CDK5RAP2: variants seen among roughly 807,000 people sequenced by gnomAD.
CDK5RAP2 encodes CDK5 regulatory subunit associated protein 2.
A neutral mutation model predicts 232.9 loss-of-function variants in CDK5RAP2; 147 were observed. The observed-to-expected ratio is 0.63, with a 90% confidence interval of 0.55 to 0.72. The LOEUF (loss-of-function observed/expected upper bound fraction) is 0.72. Among genes scored for constraint, CDK5RAP2 ranks in the 30% least tolerant of loss-of-function variants. CDK5RAP2 has a pLI of 0.00. For missense variants in CDK5RAP2, 2,195 were observed against 2,231.5 expected (o/e 0.98, Z 0.33); for synonymous variants, 833 against 833.7 (o/e 1.00, Z 0.01).
chr9:120,517,769 CA>C (rs1484665899), intron 12 of CDK5RAP2: 1 of 240,522 alleles, frequency 4.2e-6, no homozygotes, highest in East Asian at 9.9e-5. Context: ...CTATCAGGAA[CA>C]ATCAGTGAGG....
chr9:120,513,314 A>C (rs1457229043), intron 12 of CDK5RAP2, among the ~76,000 whole-genome samples: 2 of 152,126 alleles, frequency 1.3e-5, no homozygotes, highest in African/African-American at 2.4e-5. Context: ...CTAAACTGCA[A>C]ATCTGATCCT....
intron 12 of CDK5RAP2, among the ~76,000 whole-genome samples, chr9:120,508,694 C>G (rs1009749750): frequency 1.1e-4 from 16 of 152,196 alleles, no homozygotes; most frequent in African/African-American, 3.9e-4. Flanking sequence ...TTCCCCCAGG[C>G]AAACAGCTAC....
At chr9:120,489,910 C>T (rs1335975625) in intron 13 of CDK5RAP2, among the ~76,000 whole-genome samples, 3 of 151,752 alleles carry the variant, frequency 2.0e-5, no homozygotes, top group Non-Finnish European at 2.9e-5. Context: ...CGGGTTCAAG[C>T]GATTCTCCTG....
chr9:120,407,112 T>C lies in CDK5RAP2; in HGVS notation c.4863A>G (p.Glu1621=). The C allele has an allele frequency of 6.2e-7, 1 of 1,613,718 alleles. No homozygotes were observed. The highest frequency in any genetic ancestry group is 2.2e-5 in the East Asian group (1 of 44,880). ...TSSTLQSRLK[E]QLARGAEKAQ... is the part of the protein sequence containing the mutation. ...CCTTCTCTGCCCCCCTTGCCAGCTG[T>C]TCCTTGAGCCTGCTCTGCAGAGTGC... Residue 1621 remains glutamate (E), a synonymous_variant, in exon 32 of 38, where the codon GAA becomes GAG. Coordinates refer to ENST00000349780, the MANE Select transcript of CDK5RAP2 (RefSeq NM_018249.6).
chr9:120,532,922 A>G (rs2041219121), intron 7 of CDK5RAP2, among the ~76,000 whole-genome samples: 1 of 152,084 alleles, frequency 6.6e-6, no homozygotes, highest in Admixed American at 6.5e-5. Context: ...CCCCCTTCCA[A>G]AAAAAGATGA....
At chr9:120,453,394 T>A in intron 21 of CDK5RAP2, 62 bp downstream of exon 21, 2 of 1,465,018 alleles carry the variant, frequency 1.4e-6, no homozygotes, top group Non-Finnish European at 1.9e-6. Context: ...AGATTAAAGG[T>A]GATTTTTAAA....
At chr9:120,557,701 G>A (rs2042283308) in intron 3 of CDK5RAP2, among the ~76,000 whole-genome samples, 1 of 151,016 alleles carries the variant, frequency 6.6e-6, no homozygotes, top group Admixed American at 6.6e-5. Context: ...CGAAGCTACA[G>A]TAAGCCATGA....
rs576912428 is a variant in CDK5RAP2 at position 120,520,763 on chromosome 9, A to C, written c.1093-2118T>G. Among the ~76,000 whole-genome samples the C allele has an allele frequency of 4.0e-3, 482 of 120,058 alleles. 4 individuals are homozygous for C. The highest frequency in any genetic ancestry group is 0.014 in the African/African-American group (441 of 30,556). The allele number at this position is 120,058 out of a possible 152,430, so 78.8% of individuals were successfully genotyped here. A position where few individuals can be genotyped will look rare whatever the true frequency, so the allele number is the denominator to read the frequency against. On this transcript the variant is annotated intron_variant, in intron 11 of 37. Transcript: ENST00000349780. The stretch of plus-strand genomic sequence containing the variant: ...CATGTGATATCTCATATCTCATGAG[A>C]TATATCTCAGATATCTCATGAGATA...
At chr9:120,500,542 T>A (rs2039525961) in intron 12 of CDK5RAP2, among the ~76,000 whole-genome samples, 1 of 152,270 alleles carries the variant, frequency 6.6e-6, no homozygotes, top group African/African-American at 2.4e-5. Flanking sequence ...ATTTGCATTC[T>A]TTGATTGCCA....
chr9:120,402,252 C>T lies in CDK5RAP2; in HGVS notation c.5307+554G>A, dbSNP rs995795672. On this transcript the variant is annotated intron_variant, in intron 34 of 37. Transcript: ENST00000349780. ...GGTCGAAGCTACAGTGAGCCATGAT[C>T]GCGCCACTGCACTCCAGCCTGGGTG... Among the ~76,000 whole-genome samples the T allele has an allele frequency of 1.1e-4, 17 of 152,066 alleles. No individual in the cohort carries two copies. The East Asian group carries it at 2.7e-3, about 24-fold the overall frequency.
At chr9:120,518,202 T>A (rs1271042150) in intron 12 of CDK5RAP2, among the ~76,000 whole-genome samples, 13 of 108,226 alleles carry the variant, frequency 1.2e-4, no homozygotes, top group African/African-American at 5.1e-4. Context: ...TGTGTGTGTG[T>A]GTGTGTGTGA....
At chr9:120,394,437 TA>T in intron 36 of CDK5RAP2, 74 bp downstream of exon 36, 1 of 1,609,892 alleles carries the variant, frequency 6.2e-7, no homozygotes, top group Non-Finnish European at 8.5e-7. Flanking sequence ...CCAAAGTGGG[TA>T]ATCCAGGGCA....
intron 21 of CDK5RAP2, among the ~76,000 whole-genome samples, chr9:120,449,883 G>A (rs76233832): frequency 6.4e-4 from 97 of 152,270 alleles, no homozygotes; most frequent in African/African-American, 2.2e-3. Flanking sequence ...TTGATGAAGC[G>A]GAGAAATTGG....
intron 23 of CDK5RAP2, among the ~76,000 whole-genome samples, chr9:120,442,195 G>T (rs1258606548): frequency 6.6e-6 from 1 of 152,194 alleles, no homozygotes; most frequent in Non-Finnish European, 1.5e-5. Context: ...TTAAGAATTT[G>T]CTTAGGGTTC....
At chr9:120,496,672 G>A (rs1378615222) in intron 12 of CDK5RAP2, among the ~76,000 whole-genome samples, 56 of 128,918 alleles carry the variant, frequency 4.3e-4, no homozygotes, top group Admixed American at 2.2e-3. Context: ...CAGCCGCCCC[G>A]TCCGGGAGGG....
chr9:120,571,967 TACTTACG>T lies in CDK5RAP2; in HGVS notation c.127_127+6del, dbSNP rs2132207306. On this transcript the variant is annotated splice_donor_variant and splice_donor_5th_base_variant and coding_sequence_variant and intron_variant, in exon 2 of 38. Transcript: ENST00000349780. LOFTEE classifies it high-confidence loss of function. ...ACTCAAGAGAATGCCTGGTTTTGTG[TACTTACG>T]ACCATTTCCCAACCCAGCATTGGGG... 1 of 1,610,768 alleles carries T rather than the reference TACTTACG, an allele frequency of 6.2e-7. No homozygotes were observed.
At chr9:120,417,791 CAA>C (rs112626828) in intron 27 of CDK5RAP2, among the ~76,000 whole-genome samples, 9 of 143,450 alleles carry the variant, frequency 6.3e-5, no homozygotes, top group African/African-American at 2.3e-4. Flanking sequence ...TAAGCAACCA[CAA>C]AAAAAAAAAG....
chr9:120,537,747 A>G (rs1364850952), intron 6 of CDK5RAP2, among the ~76,000 whole-genome samples: 1 of 152,148 alleles, frequency 6.6e-6, no homozygotes, highest in African/African-American at 2.4e-5. Context: ...CACCTCACAG[A>G]GGTTTACTGA....
chr9:120,565,103 T>C (rs2042601799), intron 3 of CDK5RAP2, among the ~76,000 whole-genome samples: 1 of 152,026 alleles, frequency 6.6e-6, no homozygotes, highest in Admixed American at 6.6e-5. Flanking sequence ...CCAGAGTGAG[T>C]ACTCCCACAG....
Sources: gnomAD v4.1 joint callset for allele counts (sites outside exome capture counted in the v4.1 genomes callset) on GRCh38, gnomAD v4.1.1 for gene constraint, MANE v1.5 for transcripts, NCBI Gene and HGNC (gene_info 2026-07-23, HGNC 2026-07-21) for gene names.